The following PCDH17 variants were observed in gnomAD, a reference collection of about 807,000 sequenced individuals.
The protein encoded by PCDH17 is protocadherin-17.
In PCDH17, 21 loss-of-function variants were observed where a neutral mutation model predicts 67.7. The ratio of observed to expected loss-of-function variants is 0.31; its 90% confidence interval spans 0.22 to 0.45. PCDH17 has a LOEUF of 0.45. Ranked by LOEUF, PCDH17 falls within the 20% of genes least tolerant of loss-of-function variation. The pLI is 1.00. For missense variants in PCDH17, 1,471 were observed against 1,564.8 expected (o/e 0.94, Z 1.01); for synonymous variants, 701 against 656.7 (o/e 1.07, Z -1.03).
intron 3 of PCDH17, among the ~76,000 whole-genome samples, chr13:57,688,159 A>G (rs1955525029): frequency 6.6e-6 from 1 of 151,748 alleles, no homozygotes; most frequent in African/African-American, 2.4e-5. Flanking sequence ...TTTAAAAAAT[A>G]TTTGGGGCAT....
At chr13:57,661,743 A>G (rs1955186314) in intron 1 of PCDH17, among the ~76,000 whole-genome samples, 1 of 152,168 alleles carries the variant, frequency 6.6e-6, no homozygotes, top group South Asian at 2.1e-4. Flanking sequence ...ACTTTGTTAA[A>G]CATCAACTGT....
rs746882471 is a variant in PCDH17 at position 57,633,881 on chromosome 13, G to A, written c.1335G>A (p.Arg445=). 7.1e-5 allele frequency: 114 copies of A among 1,613,026 alleles called. No individual in the cohort carries two copies. The highest frequency in any genetic ancestry group is 9.2e-5 in the Non-Finnish European group (108 of 1,180,016). Residue 445 remains arginine, a synonymous_variant, in exon 1 of 4, where the codon CGG becomes CGA. Coordinates refer to ENST00000377918, the MANE Select transcript of PCDH17 (RefSeq NM_001040429.3). The surrounding 1 kb of genome is among the most constrained non-coding windows in gnomAD (Gnocchi z 6.2). ...QDEYNVTIVA[R]DGGSPPLNST... The stretch of plus-strand genomic sequence containing the variant: ...AGTACAACGTGACCATCGTGGCGCG[G>A]GACGGGGGCTCTCCTCCCCTCAACT...
chr13:57,634,061 C>T lies in PCDH17; in HGVS notation c.1515C>T (p.Gly505=). Residue 505 remains glycine (G), a synonymous_variant, in exon 1 of 4, where the codon GGC becomes GGT. Transcript: ENST00000377918. This position sits in a 1 kb window ranked among gnomAD's most constrained non-coding sequence, Gnocchi z 7.8. ...LAQDPDLGQN[G]TVSYSILPSH... ...AGGATCCCGACCTGGGCCAGAACGG[C>T]ACCGTATCCTACTCTATCCTGCCCT... is the stretch of plus-strand genomic sequence containing the variant. 6.2e-7 allele frequency: 1 copy of T among 1,613,424 alleles called. No homozygotes were observed. The highest frequency in any genetic ancestry group is 8.5e-7 in the Non-Finnish European group (1 of 1,180,028).
intron 1 of PCDH17, among the ~76,000 whole-genome samples, chr13:57,662,057 A>T (rs1022938715): frequency 1.3e-5 from 2 of 151,860 alleles, no homozygotes; most frequent in African/African-American, 4.8e-5. Flanking sequence ...TAGACAAGGG[A>T]TTTTTCACCA....
chr13:57,635,050 G>C lies in PCDH17; in HGVS notation c.2504G>C (p.Ser835Thr). ...CAGGGGCACGCGGGCTGCCACACCAGCTTCACCGGACAAGGGACTAATGCA... is the reference window on the plus strand; with the variant it reads ...CAGGGGCACGCGGGCTGCCACACCACCTTCACCGGACAAGGGACTAATGCA... ...VPQGHAGCHT[S>T]FTGQGTNASE... Residue 835 changes from serine (S) to threonine (T), a missense_variant, in exon 1 of 4, where the codon AGC becomes ACC. Transcript: ENST00000377918. The C allele has an allele frequency of 1.9e-6, 3 of 1,613,654 alleles. No individual in the cohort carries two copies. The highest frequency in any genetic ancestry group is 2.5e-6 in the Non-Finnish European group (3 of 1,180,020).
At chr13:57,640,952 T>C (rs1319400524) in intron 1 of PCDH17, among the ~76,000 whole-genome samples, 2 of 152,044 alleles carry the variant, frequency 1.3e-5, no homozygotes, top group Non-Finnish European at 2.9e-5. Flanking sequence ...TACTTCTGTT[T>C]AATAAATCCC....
chr13:57,660,116 CACCCTTGTAGTTCCA>C (rs1196699534), intron 1 of PCDH17, among the ~76,000 whole-genome samples: 1 of 152,112 alleles, frequency 6.6e-6, no homozygotes, highest in Non-Finnish European at 1.5e-5. Context: ...CATGTTGGCG[CACCCTTGTAGTTCCA>C]ATTACTTGCG....
At position 57,670,869 on chromosome 13, in the gene PCDH17, G is replaced by A. The variant is rs1344953592; in HGVS notation, c.2797+4036G>A. Among the ~76,000 whole-genome samples the A allele has an allele frequency of 7.3e-5, 11 of 151,698 alleles. No individual in the cohort carries two copies. In the East Asian group the frequency reaches 1.8e-3, roughly 24 times the overall value. Reference sequence around the variant, plus strand: ...CCATTAGTTTAATTCCAAATACATCGCAAAAGTAATGTATTGCCCACTATT... The same window carrying A: ...CCATTAGTTTAATTCCAAATACATCACAAAAGTAATGTATTGCCCACTATT... On this transcript the variant is annotated intron_variant, in intron 3 of 3. Coordinates refer to ENST00000377918, the MANE Select transcript of PCDH17 (RefSeq NM_001040429.3).
At chr13:57,640,889 C>T (rs1418069316) in intron 1 of PCDH17, among the ~76,000 whole-genome samples, 1 of 152,016 alleles carries the variant, frequency 6.6e-6, no homozygotes, top group Non-Finnish European at 1.5e-5. Flanking sequence ...CTTACAAATG[C>T]ACCCGCTAAT....
chr13:57,676,931 A>T (rs1020275026), intron 3 of PCDH17, among the ~76,000 whole-genome samples: 3 of 151,934 alleles, frequency 2.0e-5, no homozygotes, highest in Non-Finnish European at 4.4e-5. Context: ...CATGACTGGC[A>T]TCAATGTATA....
chr13:57,655,080 A>C (rs1465164092), intron 1 of PCDH17, among the ~76,000 whole-genome samples: 1 of 151,994 alleles, frequency 6.6e-6, no homozygotes, highest in Non-Finnish European at 1.5e-5. Flanking sequence ...AGTCATAAAA[A>C]AGTAAAAATT....
chr13:57,703,908 A>G (rs1387828099), intron 3 of PCDH17, among the ~76,000 whole-genome samples: 2 of 152,098 alleles, frequency 1.3e-5, no homozygotes, highest in African/African-American at 2.4e-5. Context: ...CAGTTGTAGA[A>G]TACACATAGG....
chr13:57,657,421 A>G (rs1193978573), intron 1 of PCDH17, among the ~76,000 whole-genome samples: 1 of 152,208 alleles, frequency 6.6e-6, no homozygotes, highest in African/African-American at 2.4e-5. Context: ...TTATTGCCAT[A>G]CTTCATACAC....
At position 57,725,003 on chromosome 13, in the gene PCDH17, C is replaced by G. The variant is rs201858878; in HGVS notation, c.3189C>G (p.Ala1063=). The change falls in exon 4 of 4, where the codon GCC becomes GCG. Residue 1063 remains alanine, a synonymous_variant. Coordinates refer to ENST00000377918, the MANE Select transcript of PCDH17 (RefSeq NM_001040429.3). The stretch of plus-strand genomic sequence containing the variant: ...ATGGCTGTGAAGCAAAACCAGGAGC[C>G]CTGGCTGAAGCAAGCAGTCAGTACT... ...SLDGCEAKPG[A]LAEASSQYLP... is the part of the protein sequence containing the mutation. The G allele has an allele frequency of 5.3e-5, 86 of 1,614,124 alleles. 1 individual carries two copies. The East Asian group carries it at 1.9e-3, about 35-fold the overall frequency.
intron 3 of PCDH17, among the ~76,000 whole-genome samples, chr13:57,669,539 C>A (rs1043175190): frequency 6.6e-6 from 1 of 151,994 alleles, no homozygotes; most frequent in Non-Finnish European, 1.5e-5. Context: ...TTTCAACTAT[C>A]TATGTTTGTA....
intron 1 of PCDH17, among the ~76,000 whole-genome samples, chr13:57,635,457 G>GA (rs1365386196): frequency 1.3e-5 from 2 of 151,558 alleles, no homozygotes; most frequent in African/African-American, 2.4e-5. Flanking sequence ...TCCCAGAGCA[G>GA]AAAAAAATGT....
intron 3 of PCDH17, among the ~76,000 whole-genome samples, chr13:57,670,100 T>TAA (rs1159584771): frequency 6.6e-6 from 1 of 152,038 alleles, no homozygotes; most frequent in Non-Finnish European, 1.5e-5. Flanking sequence ...TATAGAAATT[T>TAA]AAAAAATACA....
In PCDH17 at chr13:57,634,566, T is replaced by C. The variant is rs1262627355; in HGVS notation, c.2020T>C (p.Ser674Pro). The change falls in exon 1 of 4, where the codon TCC becomes CCC. Residue 674 changes from serine (S) to proline (P), a missense_variant. Transcript: ENST00000377918. The surrounding 1 kb of genome is among the most constrained non-coding windows in gnomAD (Gnocchi z 7.8). ...KVTDHGKPTL[S>P]AVAKLIIRSV... ...GACCGACCACGGCAAGCCTACCCTGTCCGCAGTGGCCAAGCTCATCATCCG... is the reference window on the plus strand; with the variant it reads ...GACCGACCACGGCAAGCCTACCCTGCCCGCAGTGGCCAAGCTCATCATCCG... 6.2e-7 allele frequency: 1 copy of C among 1,613,212 alleles called. No homozygotes were observed. The highest frequency in any genetic ancestry group is 8.5e-7 in the Non-Finnish European group (1 of 1,179,978).
At chr13:57,661,061 T>G (rs903516936) in intron 1 of PCDH17, among the ~76,000 whole-genome samples, 1 of 152,156 alleles carries the variant, frequency 6.6e-6, no homozygotes, top group African/African-American at 2.4e-5. Context: ...GATTTATGTT[T>G]GACGTAAGAA....
Sources: allele counts gnomAD v4.1 joint callset (sites outside exome capture counted in the v4.1 genomes callset), GRCh38; gene constraint gnomAD v4.1.1; non-coding constraint Gnocchi (gnomAD v3.1); transcripts MANE v1.5; gene names NCBI Gene and HGNC (gene_info 2026-07-23, HGNC 2026-07-21).